LYPD6: variants seen among roughly 807,000 people sequenced by gnomAD.
The protein encoded by LYPD6 is LY6/PLAUR domain containing 6.
LYPD6 carries 15 observed loss-of-function variants against 22.7 expected under a neutral mutation model. That is an observed-to-expected ratio of 0.66 (90% confidence interval 0.44 to 1.02). The LOEUF is 1.02. Ranked by LOEUF, LYPD6 falls within the 50% of genes least tolerant of loss-of-function variation. LYPD6 has a pLI of 0.00. For missense variants in LYPD6, 189 were observed against 208.4 expected (o/e 0.91, Z 0.57); for synonymous variants, 72 against 77.5 (o/e 0.93, Z 0.37).
intron 1 of LYPD6, among the ~76,000 whole-genome samples, chr2:149,391,359 C>A (rs1472886233): frequency 1.3e-5 from 2 of 152,126 alleles, no homozygotes; most frequent in Admixed American, 1.3e-4. Flanking sequence ...CTTATTCCAA[C>A]TCCCTTTTTT....
intron 1 of LYPD6, among the ~76,000 whole-genome samples, chr2:149,374,696 C>T (rs1681879178): frequency 1.3e-5 from 2 of 152,268 alleles, no homozygotes; most frequent in South Asian, 2.1e-4. Flanking sequence ...GTAAGTTTCC[C>T]TCTGCTGGTG....
intron 1 of LYPD6, among the ~76,000 whole-genome samples, chr2:149,358,029 G>A (rs1038248583): frequency 2.0e-5 from 3 of 151,980 alleles, no homozygotes; most frequent in Non-Finnish European, 2.9e-5. Context: ...CAGGTGATCC[G>A]CCCGCTTCGG....
At chr2:149,450,585 A>T (rs1683783244) in intron 3 of LYPD6, among the ~76,000 whole-genome samples, 1 of 152,212 alleles carries the variant, frequency 6.6e-6, no homozygotes, top group South Asian at 2.1e-4. Flanking sequence ...CTTAACTGAA[A>T]ACTAGATATC....
At chr2:149,362,875 G>A (rs1021133708) in intron 1 of LYPD6, among the ~76,000 whole-genome samples, 6 of 152,242 alleles carry the variant, frequency 3.9e-5, no homozygotes, top group Non-Finnish European at 8.8e-5. Flanking sequence ...CGTGCAATTT[G>A]GGGGATACTT....
intron 2 of LYPD6, among the ~76,000 whole-genome samples, chr2:149,438,379 G>C (rs1683482616): frequency 6.6e-6 from 1 of 152,160 alleles, no homozygotes; most frequent in Non-Finnish European, 1.5e-5. Context: ...GTGCATTTTT[G>C]CATTCAGCAA....
intron 1 of LYPD6, among the ~76,000 whole-genome samples, chr2:149,406,809 T>C (rs1215906382): frequency 1.3e-5 from 2 of 152,206 alleles, no homozygotes; most frequent in East Asian, 3.8e-4. Context: ...CGTTAGTTGA[T>C]GCAGTTTCTT....
At chr2:149,365,090 C>G (rs1681635652) in intron 1 of LYPD6, among the ~76,000 whole-genome samples, 1 of 152,122 alleles carries the variant, frequency 6.6e-6, no homozygotes, top group East Asian at 1.9e-4. Flanking sequence ...TAATGAACAG[C>G]CCCTTCATCA....
rs1682726531 is a variant in LYPD6, at chr2:149,406,925, C to G, written c.-71-30713C>G. ...CTTCAGGAGCTCTTTTAGGGCAGGC[C>G]TGGTGGTGACAAAATCTCTCAGCAT... On this transcript the variant is annotated intron_variant, in intron 1 of 4. Transcript: ENST00000334166. 3.9e-5 allele frequency among the ~76,000 whole-genome samples: 6 copies of G among 152,180 alleles called. 2 individuals are homozygous for G. The South Asian group carries it at 8.3e-4, about 21-fold the overall frequency.
intron 1 of LYPD6, among the ~76,000 whole-genome samples, chr2:149,435,721 A>G (rs1308784579): frequency 6.6e-6 from 1 of 152,216 alleles, no homozygotes; most frequent in Non-Finnish European, 1.5e-5. Context: ...AGTCACATTT[A>G]TTAAGTGATT....
At chr2:149,469,390 C>G (rs1053767279) in intron 4 of LYPD6, among the ~76,000 whole-genome samples, 5 of 152,262 alleles carry the variant, frequency 3.3e-5, no homozygotes, top group African/African-American at 1.2e-4. Flanking sequence ...TGGACAATCA[C>G]AGAAAGGCAG....
At chr2:149,346,297 G>A (rs1382392369) in intron 1 of LYPD6, among the ~76,000 whole-genome samples, 1 of 152,092 alleles carries the variant, frequency 6.6e-6, no homozygotes, top group Non-Finnish European at 1.5e-5. Context: ...GTACATAAAA[G>A]TTTTTACACA....
chr2:149,374,900 T>C (rs1244020862), intron 1 of LYPD6, among the ~76,000 whole-genome samples: 1 of 152,238 alleles, frequency 6.6e-6, no homozygotes. Flanking sequence ...TGTGCTGGGA[T>C]GACCAGGAAA....
intron 1 of LYPD6, among the ~76,000 whole-genome samples, chr2:149,377,319 A>G (rs75503270): frequency 0.18 from 27,492 of 151,380 alleles, 2,515 homozygotes; most frequent in African/African-American, 0.2. Flanking sequence ...CTGGAAAAAA[A>G]AAAACACAAC....
intron 1 of LYPD6, among the ~76,000 whole-genome samples, chr2:149,345,109 C>T (rs1312102769): frequency 2.0e-5 from 3 of 151,844 alleles, no homozygotes; most frequent in Non-Finnish European, 4.4e-5. Context: ...CCCCCCGACC[C>T]CATCTCTGAA....
At chr2:149,347,293 A>T (rs759133560) in intron 1 of LYPD6, among the ~76,000 whole-genome samples, 1 of 152,220 alleles carries the variant, frequency 6.6e-6, no homozygotes, top group Non-Finnish European at 1.5e-5. Context: ...CAAAGGTCCC[A>T]TCTCCAAATA....
chr2:149,426,496 GT>G (rs1683191078), intron 1 of LYPD6, among the ~76,000 whole-genome samples: 1 of 152,158 alleles, frequency 6.6e-6, no homozygotes, highest in South Asian at 2.1e-4. Flanking sequence ...AGGGCAGATG[GT>G]TTAGGCTTTG....
chr2:149,408,238 G>T (rs531507581), intron 1 of LYPD6, among the ~76,000 whole-genome samples: 3 of 152,146 alleles, frequency 2.0e-5, no homozygotes, highest in African/African-American at 7.2e-5. Context: ...CCAGCTGCGT[G>T]CTGGGAGAAC....
intron 1 of LYPD6, among the ~76,000 whole-genome samples, chr2:149,377,939 G>A (rs960679981): frequency 6.6e-6 from 1 of 151,926 alleles, no homozygotes; most frequent in African/African-American, 2.4e-5. Flanking sequence ...CATCTCCAAT[G>A]TGCCTGGCAT....
intron 1 of LYPD6, among the ~76,000 whole-genome samples, chr2:149,405,329 C>T (rs916824147): frequency 7.2e-5 from 11 of 152,016 alleles, no homozygotes; most frequent in East Asian, 1.9e-4. Flanking sequence ...CTCCTTGTAC[C>T]TCTGGTAGAA....
Sources: gnomAD v4.1 joint callset for allele counts (sites outside exome capture counted in the v4.1 genomes callset) on GRCh38, gnomAD v4.1.1 for gene constraint, MANE v1.5 for transcripts, NCBI Gene and HGNC (gene_info 2026-07-23, HGNC 2026-07-21) for gene names.